The following MTHFD1L variants were observed in gnomAD, a reference collection of about 807,000 sequenced individuals.
MTHFD1L encodes monofunctional C1-tetrahydrofolate synthase, mitochondrial.
MTHFD1L carries 81 observed loss-of-function variants against 119.5 expected under a neutral mutation model. The ratio of observed to expected loss-of-function variants is 0.68; its 90% CI spans 0.57 to 0.82. The LOEUF is 0.82. Ranked by LOEUF, MTHFD1L falls within the 40% of genes least tolerant of loss-of-function variation. The pLI, the probability that MTHFD1L is intolerant of heterozygous loss-of-function variation, is 0.00. For missense variants in MTHFD1L, 1,125 were observed against 1,253.4 expected (o/e 0.90, Z 1.55); for synonymous variants, 430 against 475.2 (o/e 0.90, Z 1.24).
chr6:150,956,892 C>T (rs73017078), intron 17 of MTHFD1L, among the ~76,000 whole-genome samples: 20,673 of 150,778 alleles, frequency 0.14, 1,832 homozygotes, highest in Middle Eastern at 0.29. Context: ...TCGTGGACCT[C>T]GTCTCCTCCC....
chr6:150,936,044 C>T (rs933002787), intron 11 of MTHFD1L, among the ~76,000 whole-genome samples: 2 of 152,182 alleles, frequency 1.3e-5, no homozygotes, highest in African/African-American at 2.4e-5. Context: ...CAATAAGATT[C>T]TCAAGAGCAG....
At chr6:150,866,274 C>T (rs1778284946) in intron 1 of MTHFD1L, 3 of 1,457,940 alleles carry the variant, frequency 2.1e-6, no homozygotes, top group South Asian at 1.3e-5. Flanking sequence ...GCCCGCAGCG[C>T]AGGTGGGCGT....
At chr6:150,932,992 GA>G (rs1791415885) in intron 11 of MTHFD1L, among the ~76,000 whole-genome samples, 1 of 152,260 alleles carries the variant, frequency 6.6e-6, no homozygotes, top group African/African-American at 2.4e-5. Context: ...ATACTGGGGG[GA>G]AAACTAAACC....
In MTHFD1L at chr6:151,034,583, G is replaced by T. The variant is rs778171987; in HGVS notation, c.2677G>T (p.Asp893Tyr). 6.2e-7 allele frequency: 1 copy of T among 1,609,926 alleles called. No individual in the cohort carries two copies. ...ELSPEAQAKIDRYTQQGFGNL... is the reference protein window; with the variant it reads ...ELSPEAQAKIYRYTQQGFGNL... Reference sequence around the variant, plus strand: ...CTCTCCTGAGGCACAAGCCAAAATAGATCGTTACACTCAACAGGTAAAAGT... The same window carrying T: ...CTCTCCTGAGGCACAAGCCAAAATATATCGTTACACTCAACAGGTAAAAGT... Residue 893 changes from aspartate to tyrosine, a missense_variant, in exon 25 of 28, where the codon GAT (aspartate) becomes TAT (tyrosine). Physicochemically the swap from Asp to Tyr is radical, Grantham distance 160 (BLOSUM62 -3). Coordinates refer to ENST00000367321, the MANE Select transcript of MTHFD1L (RefSeq NM_015440.5).
intron 26 of MTHFD1L, among the ~76,000 whole-genome samples, chr6:151,040,504 A>G (rs558438525): frequency 1.4e-5 from 1 of 70,182 alleles, no homozygotes. Context: ...TCAGGCCAGG[A>G]GTTTGAGACG....
intron 26 of MTHFD1L, among the ~76,000 whole-genome samples, chr6:151,081,498 CAAAAAAAAA>C (rs56795003): frequency 0.03 from 2,947 of 98,128 alleles, 78 homozygotes; most frequent in South Asian, 0.15. Flanking sequence ...ACTAAAAATG[CAAAAAAAAA>C]AAAAAAAAAA....
chr6:151,064,041 C>G (rs1790939741), intron 26 of MTHFD1L, among the ~76,000 whole-genome samples: 2 of 152,160 alleles, frequency 1.3e-5, no homozygotes, highest in South Asian at 4.2e-4. Context: ...CAGGCCACTC[C>G]TGGATGAACT....
chr6:150,992,455 A>C lies in MTHFD1L; in HGVS notation c.2126-17364A>C, dbSNP rs192055106. ...CCATGGGAAGAAGTAGAGGGGTGGG[A>C]TGAGCGCATGGGATACTGAACTCAG... On this transcript the variant is annotated intron_variant, in intron 20 of 27. Transcript: ENST00000367321. Among the ~76,000 whole-genome samples, 37 of 152,354 alleles carry C rather than the reference A, an allele frequency of 2.4e-4. 1 individual carries two copies. The East Asian group carries it at 7.1e-3, about 29-fold the overall frequency.
chr6:150,918,440 T>A (rs1788365144), intron 8 of MTHFD1L, 137 bp from the exon 9 acceptor site: 2 of 674,832 alleles, frequency 3.0e-6, no homozygotes, highest in Non-Finnish European at 5.3e-6. Context: ...GTGACCAGTC[T>A]GCAGCCGTGC....
chr6:150,988,624 G>A (rs1778638943), intron 20 of MTHFD1L, among the ~76,000 whole-genome samples: 1 of 152,038 alleles, frequency 6.6e-6, no homozygotes, highest in African/African-American at 2.4e-5. Flanking sequence ...GGCGGGAGCG[G>A]GGATGGAGTT....
chr6:150,995,452 G>A (rs1381315114), intron 20 of MTHFD1L, among the ~76,000 whole-genome samples: 2 of 150,668 alleles, frequency 1.3e-5, no homozygotes, highest in Non-Finnish European at 3.0e-5. Flanking sequence ...AGGCGGAGGT[G>A]GCGGTGAGCT....
intron 11 of MTHFD1L, among the ~76,000 whole-genome samples, chr6:150,935,865 GA>G (rs1791961015): frequency 1.3e-5 from 2 of 152,030 alleles, no homozygotes; most frequent in South Asian, 4.1e-4. Context: ...TGAAGTTAGT[GA>G]AATAAAACTT....
chr6:150,909,092 A>G (rs1393087366), intron 8 of MTHFD1L, among the ~76,000 whole-genome samples: 2 of 152,160 alleles, frequency 1.3e-5, no homozygotes, highest in South Asian at 4.1e-4. Flanking sequence ...TTTATGGAAT[A>G]CGTAATCCTA....
chr6:150,888,036 A>T, intron 7 of MTHFD1L, 55 bp downstream of exon 7: 4 of 1,513,736 alleles, frequency 2.6e-6, no homozygotes, highest in Non-Finnish European at 3.5e-6. Context: ...AACAGAAGAA[A>T]GTCTAGAAAT....
At chr6:151,091,227 T>C (rs76815761) in intron 26 of MTHFD1L, among the ~76,000 whole-genome samples, 6,253 of 45,772 alleles carry the variant, frequency 0.14, 632 homozygotes, top group African/African-American at 0.31. Context: ...TTGCCCCATG[T>C]GACTGGGTGC....
At chr6:150,998,995 A>AAAAAAAAAAAGTATAT (rs986639098) in intron 20 of MTHFD1L, among the ~76,000 whole-genome samples, 1 of 143,586 alleles carries the variant, frequency 7.0e-6, no homozygotes, top group African/African-American at 2.6e-5. Flanking sequence ...GTCTTAAAAA[A>AAAAAAAAAAAGTATAT]ATATATATAC....
At chr6:151,098,468 G>C (rs973652509) in intron 27 of MTHFD1L, among the ~76,000 whole-genome samples, 1 of 152,178 alleles carries the variant, frequency 6.6e-6, no homozygotes, top group African/African-American at 2.4e-5. Flanking sequence ...CATCCGAGGA[G>C]TGCTGTGTGC....
intron 26 of MTHFD1L, among the ~76,000 whole-genome samples, chr6:151,081,512 A>AT (rs201623917): frequency 0.25 from 36,931 of 150,306 alleles, 4,810 homozygotes; most frequent in South Asian, 0.33. Flanking sequence ...AAAAAAAAAA[A>AT]AAAAAAAAAA....
At position 151,034,575 on chromosome 6, in the gene MTHFD1L, C is replaced by G. The variant is rs752872364; in HGVS notation, c.2669C>G (p.Ala890Gly). 3.1e-6 allele frequency: 5 copies of G among 1,610,784 alleles called. No homozygotes were observed. The highest frequency in any genetic ancestry group is 4.2e-6 in the Non-Finnish European group (5 of 1,178,822). ...ATTGAACTCTCTCCTGAGGCACAAG[C>G]CAAAATAGATCGTTACACTCAACAG... ...KDIELSPEAQ[A>G]KIDRYTQQGF... Residue 890 changes from alanine to glycine, a missense_variant, in exon 25 of 28, where the codon GCC (alanine) becomes GGC (glycine). This residue lies in a region of MTHFD1L where 1,058 missense variants were observed against 1,151.2 expected (regional missense o/e 0.92). Transcript: ENST00000367321.
Sources: allele counts gnomAD v4.1 joint callset (sites outside exome capture counted in the v4.1 genomes callset), GRCh38; gene constraint gnomAD v4.1.1; regional missense constraint gnomAD v4.1.1; transcripts MANE v1.5; gene names NCBI Gene and HGNC (gene_info 2026-07-23, HGNC 2026-07-21).